Variants in HCRTR2 observed in about 807,000 individuals in gnomAD.
HCRTR2 encodes orexin receptor type 2.
In HCRTR2, 22 loss-of-function variants were observed where a neutral mutation model predicts 49.0. The ratio of observed to expected loss-of-function variants is 0.45; its 90% CI spans 0.32 to 0.64. The LOEUF is 0.64. Among genes scored for constraint, HCRTR2 ranks in the 30% least tolerant of loss-of-function variants. The pLI is 0.04. For synonymous variants in HCRTR2, 236 were observed against 205.3 expected, an observed-to-expected ratio of 1.15 and a Z score of -1.28; for missense variants, 491 against 559.4, an observed-to-expected ratio of 0.88 and a Z score of 1.23.
intron 1 of HCRTR2, among the ~76,000 whole-genome samples, chr6:55,137,991 A>G (rs1764455163): frequency 6.6e-6 from 1 of 152,188 alleles, no homozygotes; most frequent in South Asian, 2.1e-4. Flanking sequence ...CTGCTGGCAC[A>G]TTAAATGCAA....
intron 4 of HCRTR2, among the ~76,000 whole-genome samples, chr6:55,268,612 A>T (rs1024780963): frequency 2.0e-5 from 3 of 152,170 alleles, no homozygotes; most frequent in Non-Finnish European, 4.4e-5. Context: ...ATTACTATAC[A>T]TAGAGAGGGA....
chr6:55,281,677 T>C (rs1210393254), intron 6 of HCRTR2, among the ~76,000 whole-genome samples: 2 of 151,866 alleles, frequency 1.3e-5, no homozygotes, highest in African/African-American at 4.9e-5. Context: ...AGGAATAGCT[T>C]CTACAGTATT....
At chr6:55,261,483 C>T (rs755434381) in intron 3 of HCRTR2, among the ~76,000 whole-genome samples, 4 of 151,924 alleles carry the variant, frequency 2.6e-5, no homozygotes, top group Non-Finnish European at 5.9e-5. Context: ...CAGCTCTCTG[C>T]GACCTCCACC....
At chr6:55,274,664 A>G (rs2127329452) in intron 4 of HCRTR2, among the ~76,000 whole-genome samples, 1 of 152,176 alleles carries the variant, frequency 6.6e-6, no homozygotes, top group African/African-American at 2.4e-5. Context: ...TTTGAGTGGT[A>G]AGCCAACACT....
chr6:55,151,890 G>C (rs747640420), intron 1 of HCRTR2, among the ~76,000 whole-genome samples: 7 of 151,828 alleles, frequency 4.6e-5, no homozygotes. Context: ...TAATCTCCCT[G>C]TAGATCTCTG....
At chr6:55,164,009 A>G (rs1764842276) in intron 1 of HCRTR2, among the ~76,000 whole-genome samples, 2 of 152,224 alleles carry the variant, frequency 1.3e-5, no homozygotes, top group Non-Finnish European at 1.5e-5. Flanking sequence ...TGTGGCCAAG[A>G]AACATACAAA....
intron 1 of HCRTR2, among the ~76,000 whole-genome samples, chr6:55,226,326 T>G (rs1347794463): frequency 6.6e-6 from 1 of 152,200 alleles, no homozygotes; most frequent in East Asian, 1.9e-4. Flanking sequence ...TTTTTTCTTT[T>G]GAGACAAAGT....
chr6:55,140,839 A>G (rs1764496232), intron 1 of HCRTR2, among the ~76,000 whole-genome samples: 1 of 152,118 alleles, frequency 6.6e-6, no homozygotes, highest in Non-Finnish European at 1.5e-5. Flanking sequence ...GCAAATGTAT[A>G]CCTACAAGTA....
At chr6:55,215,944 G>A (rs375366205) in intron 1 of HCRTR2, among the ~76,000 whole-genome samples, 3 of 152,286 alleles carry the variant, frequency 2.0e-5, no homozygotes, top group African/African-American at 4.8e-5. Context: ...AGGCTGTGAA[G>A]TTCAAGACTG....
At chr6:55,109,933 G>C (rs879596648) in intron 1 of HCRTR2, among the ~76,000 whole-genome samples, 2 of 152,092 alleles carry the variant, frequency 1.3e-5, no homozygotes, top group Non-Finnish European at 2.9e-5. Flanking sequence ...GTTATCTAAA[G>C]TCAAGAAGAA....
At chr6:55,143,704 T>A (rs761913682) in intron 1 of HCRTR2, among the ~76,000 whole-genome samples, 63 of 152,024 alleles carry the variant, frequency 4.1e-4, no homozygotes, top group Non-Finnish European at 6.8e-4. Flanking sequence ...ACACAATAAT[T>A]TGATGAGGAT....
At chr6:55,155,287 T>C (rs2127259798) in intron 1 of HCRTR2, among the ~76,000 whole-genome samples, 1 of 152,066 alleles carries the variant, frequency 6.6e-6, no homozygotes, top group East Asian at 1.9e-4. Flanking sequence ...TGTGTTAGAA[T>C]GGATTTCCTT....
At chr6:55,144,993 C>T (rs1405455619) in intron 1 of HCRTR2, among the ~76,000 whole-genome samples, 1 of 152,048 alleles carries the variant, frequency 6.6e-6, no homozygotes, top group Non-Finnish European at 1.5e-5. Flanking sequence ...AATTAATTAT[C>T]CTCTCCATTA....
intron 1 of HCRTR2, among the ~76,000 whole-genome samples, chr6:55,113,534 C>A (rs970852022): frequency 1.3e-5 from 2 of 151,970 alleles, no homozygotes; most frequent in African/African-American, 4.8e-5. Flanking sequence ...AAAAAATGCT[C>A]AACATCACTA....
intron 1 of HCRTR2, among the ~76,000 whole-genome samples, chr6:55,166,751 GA>G (rs1764882965): frequency 6.6e-6 from 1 of 151,974 alleles, no homozygotes; most frequent in African/African-American, 2.4e-5. Context: ...ACTTGTACAA[GA>G]ACAGTCAGAT....
In HCRTR2 at chr6:55,156,137, C is replaced by T. The variant is rs1428191687; in HGVS notation, c.-377-18074C>T. 2.6e-5 allele frequency among the ~76,000 whole-genome samples: 4 copies of T among 151,558 alleles called. No individual in the cohort carries two copies. The South Asian group carries it at 6.2e-4, about 24-fold the overall frequency. On this transcript the variant is annotated intron_variant, in intron 1 of 7. Coordinates refer to the HCRTR2 transcript ENST00000615358. ...TATTATTGTTACATTATTATAGTTA[C>T]ATTATTATTTTTATTAATATTATTG... is the stretch of plus-strand genomic sequence containing the variant.
chr6:55,278,186 A>G (rs76843408), intron 5 of HCRTR2, among the ~76,000 whole-genome samples: 2,693 of 152,324 alleles, frequency 0.018, 67 homozygotes, highest in East Asian at 0.078. Context: ...CAATGAGGGA[A>G]AGTATGCTAT....
At chr6:55,249,638 T>G (rs1766510435) in intron 2 of HCRTR2, among the ~76,000 whole-genome samples, 1 of 152,152 alleles carries the variant, frequency 6.6e-6, no homozygotes, top group African/African-American at 2.4e-5. Context: ...TGTTTTTCTT[T>G]CCTTAAGAGT....
In HCRTR2 at chr6:55,277,463, G is replaced by A. The variant is rs12111299; in HGVS notation, c.846G>A (p.Thr282=). The stretch of plus-strand genomic sequence containing the variant: ...AGCCTCGAGGGCCAGGACAGCCAAC[G>A]AAGTCCCGGATGAGCGCTGTGGCGG... The part of the protein sequence containing the change: ...VSQPRGPGQP[T]KSRMSAVAAE... The change falls in exon 5 of 7, where the codon ACG becomes ACA. Residue 282 remains threonine, a synonymous_variant. Transcript: ENST00000370862. 5.1e-3 allele frequency: 8,244 copies of A among 1,614,052 alleles called. 333 individuals carry two copies. In the African/African-American group the frequency reaches 0.087, roughly 17 times the overall value.
Sources: gnomAD v4.1 joint callset for allele counts (sites outside exome capture counted in the v4.1 genomes callset) on GRCh38, gnomAD v4.1.1 for gene constraint, MANE v1.5 for transcripts, NCBI Gene and HGNC (gene_info 2026-07-23, HGNC 2026-07-21) for gene names.